Variants in RBFOX3 observed in about 807,000 individuals in gnomAD.
The protein encoded by RBFOX3 is RNA binding fox-1 homolog 3.
A neutral mutation model predicts 48.7 loss-of-function variants in RBFOX3; 17 were observed. That is an observed-to-expected ratio of 0.35 (90% CI 0.24 to 0.52). The LOEUF (loss-of-function observed/expected upper bound fraction) is 0.52, where lower values mean the gene tolerates loss of function less well. Among genes scored for constraint, RBFOX3 ranks in the 20% least tolerant of loss-of-function variants. The pLI is 0.94. For synonymous variants in RBFOX3, 212 were observed against 209.5 expected (o/e 1.01, Z -0.10); for missense variants, 382 against 497.5 (o/e 0.77, Z 2.21).
chr17:79,291,140 G>A (rs2073181426), intron 3 of RBFOX3, among the ~76,000 whole-genome samples: 1 of 152,098 alleles, frequency 6.6e-6, no homozygotes, highest in Admixed American at 6.5e-5. Flanking sequence ...TTATTTAGTG[G>A]GTCAAAAATG....
At chr17:79,119,376 C>G (rs1232386616) in intron 4 of RBFOX3, among the ~76,000 whole-genome samples, 1 of 152,218 alleles carries the variant, frequency 6.6e-6, no homozygotes, top group Admixed American at 6.5e-5. Context: ...TTCCCCCTTT[C>G]CCAGCTAATA....
intron 2 of RBFOX3, among the ~76,000 whole-genome samples, chr17:79,422,987 G>A (rs2066702814): frequency 6.6e-6 from 1 of 151,834 alleles, no homozygotes; most frequent in African/African-American, 2.4e-5. Context: ...GCAGGGAGAA[G>A]GCGGCATCTA....
intron 4 of RBFOX3, among the ~76,000 whole-genome samples, chr17:79,125,587 A>G (rs916159983): frequency 6.6e-6 from 1 of 151,674 alleles, no homozygotes; most frequent in Non-Finnish European, 1.5e-5. Flanking sequence ...CAGGCTGGCC[A>G]ATGGTCTGGC....
At chr17:79,106,120 TC>T (rs2077309560) in intron 6 of RBFOX3, among the ~76,000 whole-genome samples, 1 of 151,792 alleles carries the variant, frequency 6.6e-6, no homozygotes, top group Non-Finnish European at 1.5e-5. Flanking sequence ...GGTTCCAAGT[TC>T]CCCACCTGGG....
At chr17:79,257,561 G>A (rs2065079853) in intron 3 of RBFOX3, among the ~76,000 whole-genome samples, 1 of 152,154 alleles carries the variant, frequency 6.6e-6, no homozygotes. Context: ...AGACACCTGA[G>A]TCCTTCTCAC....
At chr17:79,520,264 G>A (rs1443584702) in intron 1 of RBFOX3, among the ~76,000 whole-genome samples, 1 of 152,216 alleles carries the variant, frequency 6.6e-6, no homozygotes, top group Non-Finnish European at 1.5e-5. Context: ...CGAGGCAGCA[G>A]GGCAGGAGAC....
At chr17:79,301,578 C>T (rs747648946) in intron 3 of RBFOX3, among the ~76,000 whole-genome samples, 2 of 152,222 alleles carry the variant, frequency 1.3e-5, no homozygotes, top group African/African-American at 4.8e-5. Flanking sequence ...GGAGGAGCAC[C>T]TCGCTGGAAA....
At chr17:79,386,316 A>G (rs942169358) in intron 2 of RBFOX3, among the ~76,000 whole-genome samples, 2 of 151,930 alleles carry the variant, frequency 1.3e-5, no homozygotes, top group Non-Finnish European at 2.9e-5. Flanking sequence ...CCCATGACAG[A>G]AGGAGGCTCC....
the RBFOX3 span, among the ~76,000 whole-genome samples, chr17:79,621,337 C>T: frequency 6.6e-6 from 1 of 152,152 alleles, no homozygotes; most frequent in South Asian, 2.1e-4. Flanking sequence ...TGAAACCCAG[C>T]ACCGAAGGGC....
chr17:79,478,477 G>A (rs1369590474), intron 2 of RBFOX3, among the ~76,000 whole-genome samples: 1 of 152,224 alleles, frequency 6.6e-6, no homozygotes, highest in Non-Finnish European at 1.5e-5. Context: ...CATGCTGTCT[G>A]CATCAGGGCA....
At chr17:79,091,922 C>T (rs1268289819) in intron 14 of RBFOX3, 14 of 976,222 alleles carry the variant, frequency 1.4e-5, no homozygotes, top group African/African-American at 5.3e-5. Flanking sequence ...CCACGCGACA[C>T]GCTTGTGACT....
intron 3 of RBFOX3, among the ~76,000 whole-genome samples, chr17:79,271,241 AATTTTTGT>A (rs1004388082): frequency 1.6e-4 from 24 of 151,978 alleles, no homozygotes; most frequent in African/African-American, 5.8e-4. Context: ...ATGCCCTGCT[AATTTTTGT>A]ATTTTTAGTA....
intron 2 of RBFOX3, among the ~76,000 whole-genome samples, chr17:79,438,757 C>G (rs1330626685): frequency 1.3e-5 from 2 of 152,240 alleles, no homozygotes; most frequent in Non-Finnish European, 2.9e-5. Context: ...CTTGGCTTCT[C>G]GGCCATGACC....
the RBFOX3 span, among the ~76,000 whole-genome samples, chr17:79,661,357 G>A: frequency 6.6e-6 from 1 of 152,166 alleles, no homozygotes; most frequent in African/African-American, 2.4e-5. Flanking sequence ...TCACATGAGT[G>A]GAATGCCTGG....
intron 2 of RBFOX3, among the ~76,000 whole-genome samples, chr17:79,456,061 T>C (rs1364110568): frequency 6.6e-6 from 1 of 150,992 alleles, no homozygotes; most frequent in Non-Finnish European, 1.5e-5. Context: ...AAGGACATTG[T>C]ACTGACCAGG....
intron 13 of RBFOX3, among the ~76,000 whole-genome samples, chr17:79,094,929 A>G (rs1459495829): frequency 6.6e-6 from 1 of 152,118 alleles, no homozygotes; most frequent in Non-Finnish European, 1.5e-5. Flanking sequence ...ACGAGGAGGG[A>G]CCAGGAACAC....
chr17:79,343,215 C>T (rs1019985540), intron 2 of RBFOX3, among the ~76,000 whole-genome samples: 1 of 152,108 alleles, frequency 6.6e-6, no homozygotes, highest in African/African-American at 2.4e-5. Context: ...AGCTCATAAG[C>T]TCAGTGGCTT....
rs116282792 is a variant in RBFOX3 at position 79,327,709 on chromosome 17, T to C, written c.-174-19885A>G. Among the ~76,000 whole-genome samples the C allele has an allele frequency of 7.7e-3, 1,170 of 152,344 alleles. 10 individuals are homozygous for C. Among genetic ancestry groups the C allele is most frequent in the African/African-American group, 0.027 (1,118 of 41,560 alleles). On this transcript the variant is annotated intron_variant, in intron 2 of 14. Coordinates refer to ENST00000693108, the MANE Select transcript of RBFOX3 (RefSeq NM_001350451.2). ...AGTCATCCACTTATTCCTTCTCTTT[T>C]TTTTGAGACGGAGTCTCCCTCTGTC...
intron 1 of RBFOX3, among the ~76,000 whole-genome samples, chr17:79,557,898 G>C (rs2091900993): frequency 6.6e-6 from 1 of 152,250 alleles, no homozygotes; most frequent in Admixed American, 6.5e-5. Flanking sequence ...TGGCGCTGCG[G>C]TTGTTTGCTG....
Sources: allele counts gnomAD v4.1 joint callset (sites outside exome capture counted in the v4.1 genomes callset), GRCh38; gene constraint gnomAD v4.1.1; transcripts MANE v1.5; gene names NCBI Gene and HGNC (gene_info 2026-07-23, HGNC 2026-07-21).